AGO3: variants seen among roughly 807,000 people sequenced by gnomAD.
The protein encoded by AGO3 is argonaute RISC catalytic component 3, also known as protein argonaute-3.
In AGO3, 16 loss-of-function variants were observed where a neutral mutation model predicts 105.5. The observed-to-expected ratio is 0.15, with a 90% CI of 0.10 to 0.23. AGO3 has a LOEUF of 0.23. AGO3 is among the 10% of genes least tolerant of loss of function. The pLI is 1.00. For synonymous variants in AGO3, 340 were observed against 367.3 expected, an observed-to-expected ratio of 0.93 and a Z score of 0.85; for missense variants, 534 against 1,088.0, an observed-to-expected ratio of 0.49 and a Z score of 7.16.
intron 2 of AGO3, among the ~76,000 whole-genome samples, chr1:35,963,622 A>C (rs1646717465): frequency 1.3e-5 from 2 of 152,044 alleles, no homozygotes; most frequent in Non-Finnish European, 2.9e-5. Flanking sequence ...CCAAGGAATA[A>C]AAATGGGGCT....
chr1:35,955,426 G>T (rs1045501091), intron 2 of AGO3, among the ~76,000 whole-genome samples: 1 of 152,106 alleles, frequency 6.6e-6, no homozygotes, highest in Non-Finnish European at 1.5e-5. Context: ...TGTAGAAAAA[G>T]ATGAGAAAGA....
chr1:35,958,652 CAAAA>C (rs11448667), intron 2 of AGO3, among the ~76,000 whole-genome samples: 1 of 133,032 alleles, frequency 7.5e-6, no homozygotes. Context: ...GACCTTGTCT[CAAAA>C]AAAAAAAAAG....
At chr1:35,953,951 G>A (rs1305696553) in intron 2 of AGO3, among the ~76,000 whole-genome samples, 1 of 152,134 alleles carries the variant, frequency 6.6e-6, no homozygotes. Context: ...TCATTGTCTT[G>A]ATGGTGTCCT....
chr1:35,954,422 A>G (rs900653128), intron 2 of AGO3, among the ~76,000 whole-genome samples: 2 of 152,122 alleles, frequency 1.3e-5, no homozygotes, highest in Admixed American at 6.5e-5. Flanking sequence ...ATAAATTACA[A>G]TAGCTGTATA....
chr1:36,056,708 T>G lies in AGO3; in HGVS notation c.*963T>G, dbSNP rs1219375134. ...AATTTGTATATAAGCAGTAGCAACC[T>G]GAACTATTCTTTTTCTTTTTTCTTT... is the stretch of plus-strand genomic sequence containing the variant. On this transcript the variant is annotated 3_prime_UTR_variant, in exon 19 of 19. Transcript: ENST00000373191. The G allele has an allele frequency of 2.0e-5, 3 of 151,864 alleles. No homozygotes were observed. The highest frequency in any genetic ancestry group is 7.3e-5 in the African/African-American group (3 of 41,376). 9.4% of individuals were successfully genotyped at this position (151,864 alleles called of 1,614,324 possible).
rs1640448866 is a variant in AGO3, at chr1:36,008,797, G to C, written c.881+20G>C. Reference sequence around the variant, plus strand: ...TCAAACGTAAGAAAAGTTTGTCAGAGCAGCGATGGTGTGAGGCAGCTTGCT... The same window carrying C: ...TCAAACGTAAGAAAAGTTTGTCAGACCAGCGATGGTGTGAGGCAGCTTGCT... On this transcript the variant is annotated intron_variant, in intron 7 of 18. Coordinates refer to ENST00000373191, the MANE Select transcript of AGO3 (RefSeq NM_024852.4). This position sits in a 1 kb window ranked among gnomAD's most constrained non-coding sequence, Gnocchi z 5.1. 6 of 1,614,098 alleles carry C rather than the reference G, an allele frequency of 3.7e-6. No individual in the cohort carries two copies. In the East Asian group the frequency reaches 1.3e-4, roughly 36 times the overall value.
At chr1:35,995,209 A>AATATATAT (rs748081363) in intron 5 of AGO3, among the ~76,000 whole-genome samples, 171 of 114,700 alleles carry the variant, frequency 1.5e-3, no homozygotes, top group African/African-American at 3.2e-3. Flanking sequence ...TAAAAAAAAA[A>AATATATAT]ATATATATAT....
In AGO3 at chr1:36,055,528, C is replaced by A; in HGVS notation, c.2475-109C>A. 9.8e-7 allele frequency: 1 copy of A among 1,022,170 alleles called. No homozygotes were observed. The highest frequency in any genetic ancestry group is 1.5e-5 in the South Asian group (1 of 68,392). The allele number at this position is 1,022,170 out of a possible 1,614,324, so 63.3% of individuals were successfully genotyped here. On this transcript the variant is annotated intron_variant, in intron 18 of 18. Transcript: ENST00000373191. The surrounding 1 kb of genome is among the most constrained non-coding windows in gnomAD (Gnocchi z 4.4). ...TGGACACATAGATTGTTACACCAGT[C>A]TCTTATTTGTTAATAATTTTGAAAT... is the stretch of plus-strand genomic sequence containing the variant.
chr1:35,999,888 A>G (rs913872213), intron 5 of AGO3, among the ~76,000 whole-genome samples: 17 of 151,946 alleles, frequency 1.1e-4, no homozygotes, highest in Non-Finnish European at 2.1e-4. Context: ...TTCCTATAAA[A>G]TTAAGTTGAA....
chr1:35,989,195 T>C (rs1299670843), intron 5 of AGO3, among the ~76,000 whole-genome samples: 2 of 152,090 alleles, frequency 1.3e-5, no homozygotes, highest in African/African-American at 4.8e-5. Context: ...CTAGGCGAAA[T>C]TGGTGATGGA....
intron 9 of AGO3, chr1:36,013,364 C>T (rs1640717266): frequency 2.1e-5 from 6 of 284,392 alleles, no homozygotes; most frequent in Non-Finnish European, 4.0e-5. Context: ...CATGAACTAC[C>T]ATGCCAGGCC....
At chr1:35,960,798 G>C (rs558514214) in intron 2 of AGO3, among the ~76,000 whole-genome samples, 1 of 151,956 alleles carries the variant, frequency 6.6e-6, no homozygotes, top group Admixed American at 6.6e-5. Context: ...AAATTGACCC[G>C]TATACTATAG....
rs868456123 is a variant in AGO3, at chr1:35,997,204, G to A, written c.659-7137G>A. Among the ~76,000 whole-genome samples the A allele has an allele frequency of 2.0e-4, 31 of 151,876 alleles. No homozygotes were observed. The Middle Eastern group carries it at 0.01, about 50-fold the overall frequency. ...TGAGGTGGGAGAATCGCTGGAACCT[G>A]GGAGGTGGAGGTTGGAGTGAACTGA... is the stretch of plus-strand genomic sequence containing the variant. On this transcript the variant is annotated intron_variant, in intron 5 of 18. Transcript: ENST00000373191.
Position 36,062,605 on chromosome 1 carries a change from A to G in AGO3, c.*6860A>G, listed in dbSNP as rs1348645035. ...TAAGCAAAAGAAAGGAAAATAGTAG[A>G]ACCTTTCATACTAATTAGAAATGTA... is the stretch of plus-strand genomic sequence containing the variant. On this transcript the variant is annotated 3_prime_UTR_variant, in exon 19 of 19. Coordinates refer to ENST00000373191, the MANE Select transcript of AGO3 (RefSeq NM_024852.4). The G allele has an allele frequency of 6.6e-6, 1 of 152,192 alleles. No homozygotes were observed. The highest frequency in any genetic ancestry group is 1.5e-5 in the Non-Finnish European group (1 of 68,032). 9.4% of individuals were successfully genotyped at this position (152,192 alleles called of 1,614,324 possible).
chr1:35,933,640 CAAAAAAAAAAAA>C (rs34254758), intron 1 of AGO3, among the ~76,000 whole-genome samples: 28 of 31,428 alleles, frequency 8.9e-4, no homozygotes, highest in South Asian at 4.2e-3. Context: ...GACCCTGTCT[CAAAAAAAAAAAA>C]AAAAAAAAAA....
chr1:35,992,066 G>A (rs546957179), intron 5 of AGO3: 1 of 152,264 alleles, frequency 6.6e-6, no homozygotes, highest in Admixed American at 6.5e-5. Flanking sequence ...CTCTTCTCTT[G>A]GCTGGTCAGG....
At chr1:36,009,645 G>C (rs746126258) in intron 9 of AGO3, 51 bp downstream of exon 9, 1 of 1,553,832 alleles carries the variant, frequency 6.4e-7, no homozygotes, top group Non-Finnish European at 8.7e-7. Flanking sequence ...AGGGTGAACT[G>C]TAATACTAGA....
intron 5 of AGO3, among the ~76,000 whole-genome samples, chr1:36,001,731 T>G (rs1640094844): frequency 6.6e-6 from 1 of 152,218 alleles, no homozygotes; most frequent in Non-Finnish European, 1.5e-5. Context: ...TAAATTAGTA[T>G]TTTTGTTTTT....
chr1:35,994,035 C>T (rs538732966), intron 5 of AGO3, among the ~76,000 whole-genome samples: 63 of 145,162 alleles, frequency 4.3e-4, no homozygotes, highest in South Asian at 1.8e-3. Flanking sequence ...TGAGCCACTG[C>T]GCCCAGATTT....
Sources: gnomAD v4.1 joint callset for allele counts (sites outside exome capture counted in the v4.1 genomes callset) on GRCh38, gnomAD v4.1.1 for gene constraint, Gnocchi (gnomAD v3.1) non-coding constraint, MANE v1.5 for transcripts, NCBI Gene and HGNC (gene_info 2026-07-23, HGNC 2026-07-21) for gene names.